The following RIMS3 variants were observed in gnomAD, a reference collection of about 807,000 sequenced individuals.
RIMS3 encodes the protein regulating synaptic membrane exocytosis protein 3.
RIMS3 carries 15 observed loss-of-function variants against 29.2 expected under a neutral mutation model. The observed-to-expected ratio is 0.51, with a 90% CI of 0.34 to 0.79. The LOEUF (loss-of-function observed/expected upper bound fraction) is 0.79, where lower values mean the gene tolerates loss of function less well. RIMS3 is among the 30% of genes least tolerant of loss of function. RIMS3 has a pLI of 0.01. For synonymous variants in RIMS3, 161 were observed against 170.1 expected (o/e 0.95, Z 0.41); for missense variants, 342 against 421.4 (o/e 0.81, Z 1.65).
chr1:40,636,175 G>A lies in RIMS3; in HGVS notation c.218-118C>T, dbSNP rs1479319321. On this transcript the variant is annotated intron_variant, in intron 3 of 7. Transcript: ENST00000372684. The surrounding 1 kb of genome is among the most constrained non-coding windows in gnomAD (Gnocchi z 4.2). ...CATGGGGGGTTGATGGGGAGGATGAGCAGGGCTCTGACTGGAGGCAGGGGC... is the reference window on the plus strand; with the variant it reads ...CATGGGGGGTTGATGGGGAGGATGAACAGGGCTCTGACTGGAGGCAGGGGC... The A allele has an allele frequency of 3.8e-6, 5 of 1,313,152 alleles. No homozygotes were observed. Among genetic ancestry groups the A allele is most frequent in the Non-Finnish European group, 5.3e-6 (5 of 944,180 alleles). The allele number at this position is 1,313,152 out of a possible 1,614,324, so 81.3% of individuals were successfully genotyped here.
intron 4 of RIMS3, among the ~76,000 whole-genome samples, chr1:40,633,442 A>T (rs1221996414): frequency 6.6e-6 from 1 of 152,254 alleles, no homozygotes; most frequent in Non-Finnish European, 1.5e-5. Flanking sequence ...TTAATCCTTA[A>T]TGTCCAGGGA....
intron 1 of RIMS3, among the ~76,000 whole-genome samples, chr1:40,661,212 C>T (rs2148362339): frequency 6.6e-6 from 1 of 152,206 alleles, no homozygotes; most frequent in Middle Eastern, 3.4e-3. Context: ...GATAATAGTA[C>T]CTACCTCATA....
chr1:40,651,598 C>A (rs779927801), intron 1 of RIMS3, among the ~76,000 whole-genome samples: 9 of 152,216 alleles, frequency 5.9e-5, no homozygotes, highest in East Asian at 1.9e-4. Context: ...CCACACCCCG[C>A]CCCCTGGCTG....
chr1:40,644,601 G>T (rs1312858963), intron 2 of RIMS3, among the ~76,000 whole-genome samples: 2 of 152,232 alleles, frequency 1.3e-5, no homozygotes, highest in Non-Finnish European at 2.9e-5. Flanking sequence ...CACTCTGGGG[G>T]AGGGGGCTGC....
chr1:40,629,802 C>T (rs1430301882), intron 5 of RIMS3, among the ~76,000 whole-genome samples: 3 of 152,066 alleles, frequency 2.0e-5, no homozygotes, highest in Admixed American at 6.6e-5. Context: ...TGAGGCCGGG[C>T]GCAGTGGCTC....
chr1:40,636,422 T>C lies in RIMS3; in HGVS notation c.218-365A>G, dbSNP rs972410361. Among the ~76,000 whole-genome samples the C allele has an allele frequency of 1.3e-5, 2 of 152,042 alleles. No homozygotes were observed. Among genetic ancestry groups the C allele is most frequent in the Non-Finnish European group, 2.9e-5 (2 of 68,030 alleles). On this transcript the variant is annotated intron_variant, in intron 3 of 7. Transcript: ENST00000372684. The surrounding 1 kb of genome is among the most constrained non-coding windows in gnomAD (Gnocchi z 4.2). Reference sequence around the variant, plus strand: ...TTCAGCCCTTGCCCCAAAGGTTAAGTGTGCCTCTTCCCACTCTCTTCTGGA... The same window carrying C: ...TTCAGCCCTTGCCCCAAAGGTTAAGCGTGCCTCTTCCCACTCTCTTCTGGA...
At chr1:40,670,576 A>T (rs1487445937), upstream of RIMS3, among the ~76,000 whole-genome samples, 2 of 67,480 alleles carry the variant, frequency 3.0e-5, no homozygotes, top group African/African-American at 5.7e-5. Context: ...TTATAATTTT[A>T]TATATATATA....
chr1:40,673,112 G>A, the RIMS3 span, among the ~76,000 whole-genome samples: 3 of 151,760 alleles, frequency 2.0e-5, no homozygotes, highest in African/African-American at 4.8e-5. Context: ...ACTGGGAGGC[G>A]GAGGTTGCAG....
At chr1:40,691,124 T>C in the RIMS3 span, 6 of 152,318 alleles carry the variant, frequency 3.9e-5, no homozygotes, top group Non-Finnish European at 8.8e-5. Flanking sequence ...AACTGCGTGA[T>C]AAAACTTTAA....
rs1404087322 is a variant in RIMS3, at chr1:40,635,809, C to T, written c.359+107G>A. On this transcript the variant is annotated intron_variant, in intron 4 of 7. Transcript: ENST00000372684. This position sits in a 1 kb window ranked among gnomAD's most constrained non-coding sequence, Gnocchi z 4.1. ...AAGGCAGAGACACAGAGGACCCAGA[C>T]ATTTTAGCTGGAAACAAAACAGGGA... 1 of 1,450,766 alleles carries T rather than the reference C, an allele frequency of 6.9e-7. No homozygotes were observed. Among genetic ancestry groups the T allele is most frequent in the Non-Finnish European group, 9.4e-7 (1 of 1,061,218 alleles). 89.9% of individuals were successfully genotyped at this position (1,450,766 alleles called of 1,614,324 possible). A position where few individuals can be genotyped will look rare whatever the true frequency, so the allele number is the denominator to read the frequency against.
intron 4 of RIMS3, among the ~76,000 whole-genome samples, chr1:40,634,354 T>G (rs892371698): frequency 5.3e-5 from 8 of 152,188 alleles, no homozygotes; most frequent in Admixed American, 4.6e-4. Flanking sequence ...AGGCCCCACT[T>G]TTATTGGCCA....
the RIMS3 span, among the ~76,000 whole-genome samples, chr1:40,678,584 T>C: frequency 0.071 from 10,814 of 152,176 alleles, 554 homozygotes; most frequent in Non-Finnish European, 0.11. Context: ...AGCCACAACA[T>C]GGAGTCAAGT....
At chr1:40,652,815 A>C (rs1163872028) in intron 1 of RIMS3, among the ~76,000 whole-genome samples, 8 of 152,340 alleles carry the variant, frequency 5.3e-5, no homozygotes, top group African/African-American at 1.9e-4. Context: ...ATCAGAAAGA[A>C]GCCTGACAGC....
At chr1:40,670,538 T>G (rs1642478197), upstream of RIMS3, among the ~76,000 whole-genome samples, 1 of 143,322 alleles carries the variant, frequency 7.0e-6, no homozygotes, top group African/African-American at 2.6e-5. Context: ...GAACAGACCT[T>G]AGGATATAAA....
chr1:40,622,394 G>A lies in RIMS3; in HGVS notation c.*4123C>T, dbSNP rs927139719. The A allele has an allele frequency of 2.6e-5, 4 of 152,364 alleles. No homozygotes were observed. Among genetic ancestry groups the A allele is most frequent in the South Asian group, 2.1e-4 (1 of 4,834 alleles). The allele number at this position is 152,364 out of a possible 1,614,324, so 9.4% of individuals were successfully genotyped here. ...AACCTCTTCTGACGTGAGTGAAAAGGTTGAGGGAGAAGGCGGGGGGATGTG... is the reference window on the plus strand; with the variant it reads ...AACCTCTTCTGACGTGAGTGAAAAGATTGAGGGAGAAGGCGGGGGGATGTG... On this transcript the variant is annotated 3_prime_UTR_variant, in exon 8 of 8. Coordinates refer to ENST00000372684, the MANE Select transcript of RIMS3 (RefSeq NM_014747.3).
At chr1:40,675,082 G>A in the RIMS3 span, among the ~76,000 whole-genome samples, 5 of 152,212 alleles carry the variant, frequency 3.3e-5, no homozygotes, top group South Asian at 1.0e-3. Context: ...ACAACAGTGA[G>A]ACTTTGTCTC....
the RIMS3 span, chr1:40,692,003 C>A: frequency 3.7e-6 from 1 of 271,640 alleles, no homozygotes; most frequent in Non-Finnish European, 7.5e-6. Context: ...GTCCTGCCCG[C>A]CGCCATGTTG....
the RIMS3 span, among the ~76,000 whole-genome samples, chr1:40,685,358 TAA>T: frequency 2.2e-5 from 1 of 45,944 alleles, no homozygotes; most frequent in African/African-American, 1.6e-4. Context: ...ATATATTATA[TAA>T]TATAATATAT....
Position 40,645,811 on chromosome 1 carries a change from C to G in RIMS3, c.-32+1857G>C, listed in dbSNP as rs1311338126. On this transcript the variant is annotated intron_variant, in intron 2 of 7. Transcript: ENST00000372684. ...ATGAATAATAAATGGAATTGACAAGCAGTTGGTTTGGCATCAAGGTCTCTG... is the reference window on the plus strand; with the variant it reads ...ATGAATAATAAATGGAATTGACAAGGAGTTGGTTTGGCATCAAGGTCTCTG... Among the ~76,000 whole-genome samples the G allele has an allele frequency of 2.6e-5, 4 of 152,184 alleles. No individual in the cohort carries two copies. In the East Asian group the frequency reaches 5.8e-4, roughly 22 times the overall value.
Sources: allele counts gnomAD v4.1 joint callset (sites outside exome capture counted in the v4.1 genomes callset), GRCh38; gene constraint gnomAD v4.1.1; non-coding constraint Gnocchi (gnomAD v3.1); transcripts MANE v1.5; gene names NCBI Gene and HGNC (gene_info 2026-07-23, HGNC 2026-07-21).